Variants in ARHGAP24 observed in about 807,000 individuals in gnomAD.
ARHGAP24 encodes the protein Rho GTPase activating protein 24, also known as rho GTPase-activating protein 24.
Under a neutral mutation model 76.4 loss-of-function variants are expected in ARHGAP24, and 50 were observed. The ratio of observed to expected loss-of-function variants is 0.65; its 90% CI spans 0.52 to 0.83. The LOEUF (loss-of-function observed/expected upper bound fraction) is 0.83, where lower values mean the gene tolerates loss of function less well. Ranked by LOEUF, ARHGAP24 falls within the 40% of genes least tolerant of loss-of-function variation. The probability of loss-of-function intolerance (pLI) is 0.00; values close to 1 mark genes in which losing one functional copy is unlikely to be tolerated. For missense variants in ARHGAP24, 930 were observed against 914.2 expected (o/e 1.02, Z -0.22); for synonymous variants, 345 against 323.3 (o/e 1.07, Z -0.72).
chr4:85,662,485 G>T (rs1195085165), intron 2 of ARHGAP24, among the ~76,000 whole-genome samples: 1 of 151,156 alleles, frequency 6.6e-6, no homozygotes, highest in Non-Finnish European at 1.5e-5. Flanking sequence ...CACTCTGATG[G>T]TAGTTTCTTT....
chr4:85,527,026 T>C (rs1414671527), intron 1 of ARHGAP24, among the ~76,000 whole-genome samples: 4 of 152,152 alleles, frequency 2.6e-5, no homozygotes, highest in Non-Finnish European at 5.9e-5. Flanking sequence ...GCATCAGCAA[T>C]ATCCTGCACG....
At chr4:85,812,608 A>G (rs1048581057) in intron 3 of ARHGAP24, among the ~76,000 whole-genome samples, 1 of 152,302 alleles carries the variant, frequency 6.6e-6, no homozygotes, top group South Asian at 2.1e-4. Flanking sequence ...ATAATAGGAA[A>G]GTCTCACATG....
chr4:85,883,412 G>A (rs79031881), intron 3 of ARHGAP24, among the ~76,000 whole-genome samples: 9 of 152,136 alleles, frequency 5.9e-5, no homozygotes, highest in African/African-American at 9.6e-5. Flanking sequence ...TCTAGTGTGC[G>A]GCTTAGGCTG....
At chr4:85,848,301 T>G (rs141203365) in intron 3 of ARHGAP24, among the ~76,000 whole-genome samples, 1 of 152,174 alleles carries the variant, frequency 6.6e-6, no homozygotes, top group African/African-American at 2.4e-5. Flanking sequence ...GTCATTTACA[T>G]TAGGTATTTC....
intron 3 of ARHGAP24, among the ~76,000 whole-genome samples, chr4:85,743,434 G>T (rs902831186): frequency 1.1e-4 from 10 of 93,152 alleles, no homozygotes; most frequent in East Asian, 6.3e-4. Flanking sequence ...AAAAAAAAAA[G>T]GCTGGGCATG....
chr4:85,482,756 G>A lies in ARHGAP24; in HGVS notation c.-21+7197G>A, dbSNP rs181953760. 2.0e-5 allele frequency among the ~76,000 whole-genome samples: 3 copies of A among 152,276 alleles called. No individual in the cohort carries two copies. The East Asian group carries it at 5.8e-4, about 29-fold the overall frequency. On this transcript the variant is annotated intron_variant, in intron 1 of 9. Coordinates refer to ENST00000395184, the MANE Select transcript of ARHGAP24 (RefSeq NM_001025616.3). ...TAGTTTGGCCCTGTGCTTGTCATAG[G>A]TTATCTCATTTAATCCTCACAGTTC... is the stretch of plus-strand genomic sequence containing the variant.
intron 2 of ARHGAP24, among the ~76,000 whole-genome samples, chr4:85,706,800 G>T (rs572295737): frequency 7.2e-5 from 11 of 152,120 alleles, no homozygotes; most frequent in Middle Eastern, 3.4e-3. Flanking sequence ...TCCTGACCTC[G>T]TGATCCGCCC....
intron 2 of ARHGAP24, among the ~76,000 whole-genome samples, chr4:85,613,510 G>A (rs1274738331): frequency 6.6e-6 from 1 of 152,134 alleles, no homozygotes; most frequent in Admixed American, 6.5e-5. Context: ...GACTGGCAAG[G>A]CTAAGAATGA....
At chr4:85,585,189 T>C in intron 2 of ARHGAP24, among the ~76,000 whole-genome samples, 1 of 152,248 alleles carries the variant, frequency 6.6e-6, no homozygotes, top group East Asian at 1.9e-4. Context: ...TGTTTCTACC[T>C]GCCTTTATCA....
At chr4:85,918,395 T>C (rs1735536784) in intron 3 of ARHGAP24, among the ~76,000 whole-genome samples, 1 of 151,922 alleles carries the variant, frequency 6.6e-6, no homozygotes, top group Non-Finnish European at 1.5e-5. Context: ...TTACTTAGTA[T>C]ACTATTTTTA....
At chr4:85,625,958 G>A (rs1380602722) in intron 2 of ARHGAP24, among the ~76,000 whole-genome samples, 4 of 152,078 alleles carry the variant, frequency 2.6e-5, no homozygotes, top group African/African-American at 4.8e-5. Flanking sequence ...TTGAGCCTAT[G>A]TGTGTCTCTG....
chr4:85,719,081 G>C (rs1030055802), intron 2 of ARHGAP24, among the ~76,000 whole-genome samples: 7 of 152,038 alleles, frequency 4.6e-5, no homozygotes, highest in African/African-American at 1.7e-4. Context: ...ATCACAAAAT[G>C]AATTACTTCA....
At chr4:85,612,963 A>G (rs1720446377) in intron 2 of ARHGAP24, among the ~76,000 whole-genome samples, 1 of 151,316 alleles carries the variant, frequency 6.6e-6, no homozygotes, top group African/African-American at 2.4e-5. Context: ...CACCCAGCTA[A>G]TTTTTGTATT....
At chr4:85,883,752 A>AG (rs1290529022) in intron 3 of ARHGAP24, among the ~76,000 whole-genome samples, 1 of 152,190 alleles carries the variant, frequency 6.6e-6, no homozygotes, top group African/African-American at 2.4e-5. Flanking sequence ...ACACACAGAC[A>AG]GATGTTAGCA....
chr4:85,596,096 G>A (rs981462872), intron 2 of ARHGAP24, among the ~76,000 whole-genome samples: 8 of 151,534 alleles, frequency 5.3e-5, no homozygotes, highest in Non-Finnish European at 1.0e-4. Flanking sequence ...TACCTATCTA[G>A]TATTGTTACT....
chr4:85,555,906 G>A (rs1201503712), intron 1 of ARHGAP24, among the ~76,000 whole-genome samples: 1 of 152,174 alleles, frequency 6.6e-6, no homozygotes, highest in Admixed American at 6.5e-5. Context: ...TTTTAGGACA[G>A]CAGTGGCTGT....
At chr4:85,790,538 T>C (rs1728069865) in intron 3 of ARHGAP24, among the ~76,000 whole-genome samples, 1 of 152,180 alleles carries the variant, frequency 6.6e-6, no homozygotes, top group Non-Finnish European at 1.5e-5. Context: ...ATTATATCCT[T>C]TTGCTCTTCC....
At chr4:85,805,497 G>T (rs1224838875) in intron 3 of ARHGAP24, among the ~76,000 whole-genome samples, 1 of 152,174 alleles carries the variant, frequency 6.6e-6, no homozygotes, top group Non-Finnish European at 1.5e-5. Flanking sequence ...GTGATACTCT[G>T]ATAAAATGGC....
At chr4:85,790,018 T>G (rs1313795831) in intron 3 of ARHGAP24, among the ~76,000 whole-genome samples, 1 of 152,200 alleles carries the variant, frequency 6.6e-6, no homozygotes, top group African/African-American at 2.4e-5. Context: ...TTACAATTTT[T>G]TTTATTAGGT....
Sources: allele counts gnomAD v4.1 joint callset (sites outside exome capture counted in the v4.1 genomes callset), GRCh38; gene constraint gnomAD v4.1.1; transcripts MANE v1.5; gene names NCBI Gene and HGNC (gene_info 2026-07-23, HGNC 2026-07-21).